CPD: variants seen among roughly 807,000 people sequenced by gnomAD.
CPD encodes the protein carboxypeptidase D.
CPD carries 69 observed loss-of-function variants against 138.3 expected under a neutral mutation model. That is an observed-to-expected ratio of 0.50 (90% CI 0.41 to 0.61). CPD has a LOEUF of 0.61. Among genes scored for constraint, CPD ranks in the 20% least tolerant of loss-of-function variants. The pLI, the probability that CPD is intolerant of heterozygous loss-of-function variation, is 0.00. For missense variants in CPD, 1,432 were observed against 1,733.3 expected, an observed-to-expected ratio of 0.83 and a Z score of 3.09; for synonymous variants, 651 against 642.1, an observed-to-expected ratio of 1.01 and a Z score of -0.21.
At chr17:30,460,809 T>C (rs551186291) in intron 17 of CPD, among the ~76,000 whole-genome samples, 8 of 152,180 alleles carry the variant, frequency 5.3e-5, no homozygotes, top group Non-Finnish European at 1.0e-4. Context: ...ATTATCTCCA[T>C]AGCTTCAAGT....
intron 11 of CPD, among the ~76,000 whole-genome samples, chr17:30,445,132 C>T (rs1912991995): frequency 6.6e-6 from 1 of 152,092 alleles, no homozygotes; most frequent in Non-Finnish European, 1.5e-5. Context: ...GGAGTATCCA[C>T]TACAAGCACT....
intron 8 of CPD, among the ~76,000 whole-genome samples, chr17:30,433,147 T>G (rs1294119401): frequency 1.3e-5 from 2 of 152,156 alleles, no homozygotes; most frequent in Non-Finnish European, 2.9e-5. Context: ...ATGAATCTTG[T>G]GAGATTGTTC....
chr17:30,384,935 C>G, intron 1 of CPD, 54 bp from the exon 2 acceptor site: 4 of 1,562,858 alleles, frequency 2.6e-6, no homozygotes, highest in Non-Finnish European at 3.5e-6. Flanking sequence ...TTTTTTAATG[C>G]ATGGTGTTTT....
intron 2 of CPD, among the ~76,000 whole-genome samples, chr17:30,388,827 A>G (rs1911267160): frequency 6.6e-6 from 1 of 152,044 alleles, no homozygotes; most frequent in African/African-American, 2.4e-5. Flanking sequence ...AGTGGCCCGG[A>G]GCTGATTGCG....
At position 30,379,056 on chromosome 17, in the gene CPD, G is replaced by C; in HGVS notation, c.76G>C (p.Gly26Arg). ...GTTGCTCATGTGCCTGCTGCTGCTG[G>C]GGAGCTCGGCCCGGGCGGCTCACAT... ...LLLLMCLLLL[G>R]SSARAAHIKK... The change falls in exon 1 of 21, where the codon GGG (glycine) becomes CGG (arginine). Residue 26 changes from glycine (G) to arginine (R), a missense_variant. Gly to Arg is a moderately radical substitution (Grantham distance 125). Coordinates refer to ENST00000225719, the MANE Select transcript of CPD (RefSeq NM_001304.5). The surrounding 1 kb of genome is among the most constrained non-coding windows in gnomAD (Gnocchi z 7.0). 6.4e-7 allele frequency: 1 copy of C among 1,563,344 alleles called. No individual in the cohort carries two copies. Among genetic ancestry groups the C allele is most frequent in the Non-Finnish European group, 8.6e-7 (1 of 1,161,608 alleles).
chr17:30,401,293 T>TCTCCTCTTACTCCTCTTC (rs1911654914), intron 2 of CPD, among the ~76,000 whole-genome samples: 1 of 150,550 alleles, frequency 6.6e-6, no homozygotes, highest in Non-Finnish European at 1.5e-5. Context: ...TCCTCCTCTT[T>TCTCCTCTTACTCCTCTTC]CTCCTCTTAC....
chr17:30,425,331 T>C (rs1912374751), intron 6 of CPD, among the ~76,000 whole-genome samples: 1 of 152,150 alleles, frequency 6.6e-6, no homozygotes, highest in Non-Finnish European at 1.5e-5. Context: ...TACAATGTCT[T>C]AGTGAGCTTT....
At chr17:30,409,791 T>C (rs1315830889) in intron 2 of CPD, among the ~76,000 whole-genome samples, 4 of 152,154 alleles carry the variant, frequency 2.6e-5, no homozygotes, top group African/African-American at 9.7e-5. Context: ...TCTGTTGATC[T>C]TTTCAAAAAA....
Position 30,466,506 on chromosome 17 carries a change from A to G in CPD, c.*1692A>G, listed in dbSNP as rs965916061. The G allele has an allele frequency of 5.2e-5, 8 of 152,638 alleles. No individual in the cohort carries two copies. Among genetic ancestry groups the G allele is most frequent in the East Asian group, 1.9e-4 (1 of 5,206 alleles). The allele number at this position is 152,638 out of a possible 1,614,324, so 9.5% of individuals were successfully genotyped here. ...CCATTCTGGTATTCTGGTATTAGCA[A>G]CTGTAAATTCTGCCACCTCATACAT... On this transcript the variant is annotated 3_prime_UTR_variant, in exon 21 of 21. Transcript: ENST00000225719.
chr17:30,463,384 G>T (rs537621794), intron 20 of CPD, among the ~76,000 whole-genome samples: 9 of 152,182 alleles, frequency 5.9e-5, no homozygotes, highest in Non-Finnish European at 1.3e-4. Context: ...AGCCTAGAAC[G>T]ATGGTTAGCA....
intron 14 of CPD, among the ~76,000 whole-genome samples, chr17:30,453,838 G>A (rs1300652339): frequency 6.6e-6 from 1 of 152,170 alleles, no homozygotes; most frequent in Non-Finnish European, 1.5e-5. Context: ...GCACCCGCGG[G>A]CTCAATGCCA....
chr17:30,446,529 T>C (rs1913036368), intron 12 of CPD, among the ~76,000 whole-genome samples: 4 of 152,278 alleles, frequency 2.6e-5, no homozygotes, highest in Admixed American at 2.6e-4. Flanking sequence ...GGTTGCATAG[T>C]ATTCCATGGT....
intron 12 of CPD, 22 bp downstream of exon 12, chr17:30,446,042 CT>C (rs752252494): frequency 0.15 from 159,289 of 1,050,534 alleles, 126 homozygotes; most frequent in South Asian, 0.19. Context: ...TTTCTATTGT[CT>C]TTTTTTTTTT....
chr17:30,435,604 T>C (rs1023990958), intron 8 of CPD, among the ~76,000 whole-genome samples: 3 of 152,106 alleles, frequency 2.0e-5, no homozygotes, highest in Admixed American at 2.0e-4. Flanking sequence ...CCTCTAGATA[T>C]GACATCGGAA....
Position 30,422,940 on chromosome 17 carries a change from G to A in CPD, c.1574G>A (p.Arg525Gln), listed in dbSNP as rs61745982. ...RFANEYPNIT[R>Q]LYSLGKSVES... is the part of the protein sequence containing the mutation. ...GCCAATGAATATCCTAACATTACCC[G>A]GCTTTATTCCTTGGGAAAATCAGTA... is the stretch of plus-strand genomic sequence containing the variant. Residue 525 changes from arginine to glutamine, a missense_variant, in exon 5 of 21, where the codon CGG (arginine) becomes CAG (glutamine). Transcript: ENST00000225719. 302 of 1,613,786 alleles carry A rather than the reference G, an allele frequency of 1.9e-4. No individual in the cohort carries two copies. Among genetic ancestry groups the A allele is most frequent in the Non-Finnish European group, 2.4e-4 (279 of 1,179,934 alleles).
intron 9 of CPD, among the ~76,000 whole-genome samples, chr17:30,439,389 ACTTT>A (rs1327260277): frequency 1.5e-4 from 16 of 105,740 alleles, no homozygotes; most frequent in African/African-American, 3.6e-4. Flanking sequence ...TTACAACGTT[ACTTT>A]CTTTTTTTTT....
At position 30,422,750 on chromosome 17, in the gene CPD, A is replaced by G. The variant is rs1455290440; in HGVS notation, c.1384A>G (p.Thr462Ala). Residue 462 changes from threonine (T) to alanine (A), a missense_variant, in exon 5 of 21, where the codon ACT becomes GCT. This residue lies in a region of CPD where 160 missense variants were observed against 197.9 expected (regional missense o/e 0.81). Coordinates refer to ENST00000225719, the MANE Select transcript of CPD (RefSeq NM_001304.5). ...AGAGGTGGATTTTTCTCTTAGGCCA[A>G]CTGTAACTTCAGTAATCCCTGACAC... Reference protein sequence around the residue: ...ATEVDFSLRPTVTSVIPDTTE... With the variant: ...ATEVDFSLRPAVTSVIPDTTE... 1 of 1,614,100 alleles carries G rather than the reference A, an allele frequency of 6.2e-7. No homozygotes were observed. Among genetic ancestry groups the G allele is most frequent in the Admixed American group, 1.7e-5 (1 of 60,020 alleles).
rs1567864393 is a variant in CPD, at chr17:30,385,528, ACAC to A, written c.994+293_994+295del. Among the ~76,000 whole-genome samples, 4 of 140,858 alleles carry A rather than the reference ACAC, an allele frequency of 2.8e-5. No individual in the cohort carries two copies. The East Asian group carries it at 8.0e-4, about 28-fold the overall frequency. The allele number at this position is 140,858 out of a possible 152,430, so 92.4% of individuals were successfully genotyped here. A position where few individuals can be genotyped will look rare whatever the true frequency, so the allele number is the denominator to read the frequency against. ...TGCACACACACACACACACACACAC[ACAC>A]AATCACACAATTTTTTTGCCAAACC... On this transcript the variant is annotated intron_variant, in intron 2 of 20. Coordinates refer to ENST00000225719, the MANE Select transcript of CPD (RefSeq NM_001304.5).
intron 13 of CPD, among the ~76,000 whole-genome samples, chr17:30,450,788 G>T (rs538705722): frequency 6.6e-6 from 1 of 152,178 alleles, no homozygotes; most frequent in East Asian, 1.9e-4. Context: ...GAGCCTAGTA[G>T]GTCAAGACTG....
Sources: allele counts gnomAD v4.1 joint callset (sites outside exome capture counted in the v4.1 genomes callset), GRCh38; gene constraint gnomAD v4.1.1; regional missense constraint gnomAD v4.1.1; non-coding constraint Gnocchi (gnomAD v3.1); transcripts MANE v1.5; gene names NCBI Gene and HGNC (gene_info 2026-07-23, HGNC 2026-07-21).